The following PDCD11 variants were observed in gnomAD, a reference collection of about 807,000 sequenced individuals.
The protein encoded by PDCD11 is programmed cell death 11, also known as protein RRP5 homolog.
In PDCD11, 97 loss-of-function variants were observed where a neutral mutation model predicts 198.9. The observed-to-expected ratio is 0.49, with a 90% CI of 0.41 to 0.58. The LOEUF (loss-of-function observed/expected upper bound fraction) is 0.58. Among genes scored for constraint, PDCD11 ranks in the 20% least tolerant of loss-of-function variants. The pLI is 0.00. For synonymous variants in PDCD11, 893 were observed against 918.0 expected, an observed-to-expected ratio of 0.97 and a Z score of 0.49; for missense variants, 2,102 against 2,312.7, an observed-to-expected ratio of 0.91 and a Z score of 1.87.
At position 103,406,663 on chromosome 10, in the gene PDCD11, G is replaced by T; in HGVS notation, c.743G>T (p.Gly248Val). Residue 248 changes from glycine to valine, a missense_variant, in exon 7 of 36, where the codon GGC becomes GTC. Physicochemically the swap from Gly to Val is moderately radical, Grantham distance 109. Transcript: ENST00000369797. ...AACTGCATTGTTGAAAAGGTGAAAG[G>T]CAACGGAGGAGTTGTTAGTCTGTCT... ...YLNCIVEKVKGNGGVVSLSVG... is the reference protein window; with the variant it reads ...YLNCIVEKVKVNGGVVSLSVG... The T allele has an allele frequency of 6.2e-7, 1 of 1,614,168 alleles. No individual in the cohort carries two copies. Among genetic ancestry groups the T allele is most frequent in the Non-Finnish European group, 8.5e-7 (1 of 1,180,030 alleles).
chr10:103,410,586 T>TTTTTC (rs891483654), intron 8 of PDCD11, among the ~76,000 whole-genome samples: 2 of 151,230 alleles, frequency 1.3e-5, no homozygotes, highest in African/African-American at 4.8e-5. Flanking sequence ...TTCTGGGTGA[T>TTTTTC]TTTTCTTTTC....
intron 32 of PDCD11, 88 bp from the exon 33 acceptor site, chr10:103,443,077 G>C (rs769285291): frequency 2.9e-5 from 34 of 1,176,776 alleles, no homozygotes; most frequent in Admixed American, 1.2e-4. Flanking sequence ...GAGGCTGGGA[G>C]GGGGAGGTGG....
Position 103,445,645 on chromosome 10 carries a change from AT to A in PDCD11, c.*99del, listed in dbSNP as rs1203777576. 3 of 972,262 alleles carry A rather than the reference AT, an allele frequency of 3.1e-6. No individual in the cohort carries two copies. In the African/African-American group the frequency reaches 4.9e-5, roughly 16 times the overall value. The allele number at this position is 972,262 out of a possible 1,614,324, so 60.2% of individuals were successfully genotyped here. A position where few individuals can be genotyped will look rare whatever the true frequency, so the allele number is the denominator to read the frequency against. On this transcript the variant is annotated 3_prime_UTR_variant, in exon 36 of 36. Coordinates refer to ENST00000369797, the MANE Select transcript of PDCD11 (RefSeq NM_014976.2). ...CGGAAAACTGTTACCTCAGGACTCT[AT>A]TTAAATGCTGCTTTTTCTGCAGCAC...
chr10:103,405,826 G>C (rs537808981), intron 5 of PDCD11, among the ~76,000 whole-genome samples, 159 bp from the exon 6 acceptor site: 126 of 152,360 alleles, frequency 8.3e-4, no homozygotes, highest in African/African-American at 2.7e-3. Context: ...TGTTGAATTT[G>C]ATGTCTGCTG....
At chr10:103,440,674 AG>A in intron 29 of PDCD11, 59 bp from the exon 30 acceptor site, 1 of 1,613,158 alleles carries the variant, frequency 6.2e-7, no homozygotes. Context: ...GGGCCGAGGG[AG>A]GGTGTCGCCT....
At position 103,406,702 on chromosome 10, in the gene PDCD11, A is replaced by C. The variant is rs777756645; in HGVS notation, c.782A>C (p.Glu261Ala). The C allele has an allele frequency of 2.5e-5, 41 of 1,614,072 alleles. No homozygotes were observed. Among genetic ancestry groups the C allele is most frequent in the Non-Finnish European group, 3.3e-5 (39 of 1,180,040 alleles). ...GVVSLSVGHSEVSTAIATEQQ... is the reference protein window; with the variant it reads ...GVVSLSVGHSAVSTAIATEQQ... ...GTTAGTCTGTCTGTTGGTCACTCAGAGGTTTCTACGGCCATTGCTACTGAA... is the reference window on the plus strand; with the variant it reads ...GTTAGTCTGTCTGTTGGTCACTCAGCGGTTTCTACGGCCATTGCTACTGAA... The change falls in exon 7 of 36, where the codon GAG becomes GCG. Residue 261 changes from glutamate to alanine, a missense_variant. Transcript: ENST00000369797.
chr10:103,416,679 G>T lies in PDCD11; in HGVS notation c.1707G>T (p.Val569=). The change falls in exon 13 of 36, where the codon GTG becomes GTT. Residue 569 remains valine (V), a synonymous_variant. Coordinates refer to ENST00000369797, the MANE Select transcript of PDCD11 (RefSeq NM_014976.2). ...VKFYNNVQGL[V]PKHELSTEYI... Reference sequence around the variant, plus strand: ...TCTACAACAATGTGCAGGGACTGGTGCCCAAGCATGAGCTCAGTACTGAGT... The same window carrying T: ...TCTACAACAATGTGCAGGGACTGGTTCCCAAGCATGAGCTCAGTACTGAGT... The T allele has an allele frequency of 6.2e-7, 1 of 1,614,238 alleles. No homozygotes were observed. The highest frequency in any genetic ancestry group is 1.3e-5 in the African/African-American group (1 of 75,070).
At chr10:103,414,204 G>A in intron 10 of PDCD11, 66 bp from the exon 11 acceptor site, 1 of 1,582,818 alleles carries the variant, frequency 6.3e-7, no homozygotes, top group Non-Finnish European at 8.7e-7. Context: ...CATGCCTGTG[G>A]TAGCCCTGAA....
At chr10:103,409,848 G>A (rs761756317) in intron 8 of PDCD11, 42 bp downstream of exon 8, 30 of 1,449,462 alleles carry the variant, frequency 2.1e-5, no homozygotes, top group Non-Finnish European at 2.9e-6. Flanking sequence ...TCCAGTTGTG[G>A]TCCATTTGCT....
chr10:103,414,525 C>A (rs1417105492), intron 11 of PDCD11, among the ~76,000 whole-genome samples, 195 bp downstream of exon 11: 1 of 152,132 alleles, frequency 6.6e-6, no homozygotes, highest in Non-Finnish European at 1.5e-5. Context: ...ATCTTACTAG[C>A]ACCACCCAGC....
In PDCD11 at chr10:103,425,492, G is replaced by A. The variant is rs370054051; in HGVS notation, c.3272G>A (p.Arg1091Gln). ...AAGGTTGGGAAGACGGTCACTGCCCGAGTGATTGGCGGGCGAGACATGAAG... is the reference window on the plus strand; with the variant it reads ...AAGGTTGGGAAGACGGTCACTGCCCAAGTGATTGGCGGGCGAGACATGAAG... ...KLKVGKTVTA[R>Q]VIGGRDMKTF... The change falls in exon 20 of 36, where the codon CGA becomes CAA. Residue 1091 changes from arginine (R) to glutamine (Q), a missense_variant. By Grantham distance (43) the Arg-to-Gln change is conservative (BLOSUM62 1). Coordinates refer to ENST00000369797, the MANE Select transcript of PDCD11 (RefSeq NM_014976.2). The A allele has an allele frequency of 9.3e-6, 15 of 1,611,586 alleles. No homozygotes were observed. In the African/African-American group the frequency reaches 1.6e-4, roughly 17 times the overall value.
At chr10:103,414,508 AGGT>A (rs1470994756) in intron 11 of PDCD11, among the ~76,000 whole-genome samples, 178 bp downstream of exon 11, 2 of 152,106 alleles carry the variant, frequency 1.3e-5, no homozygotes, top group Non-Finnish European at 2.9e-5. Flanking sequence ...GTTAATTTCA[AGGT>A]AAGATCTTAC....
chr10:103,443,894 G>A (rs763215588), intron 33 of PDCD11, 21 bp from the exon 34 acceptor site: 39 of 1,612,764 alleles, frequency 2.4e-5, no homozygotes, highest in Non-Finnish European at 2.8e-5. Flanking sequence ...TCTCCTCAGC[G>A]TGCCTCGTCT....
At chr10:103,407,489 G>A (rs1449321744) in intron 7 of PDCD11, among the ~76,000 whole-genome samples, 2 of 151,966 alleles carry the variant, frequency 1.3e-5, no homozygotes, top group African/African-American at 2.4e-5. Context: ...CGTGAACCCA[G>A]GAGGTGGAGC....
intron 2 of PDCD11, among the ~76,000 whole-genome samples, chr10:103,399,455 C>T (rs1302885442): frequency 6.6e-6 from 1 of 152,052 alleles, no homozygotes; most frequent in Non-Finnish European, 1.5e-5. Context: ...GTCGATCCTC[C>T]CTCCTTAGCC....
At chr10:103,416,454 A>G (rs762905040) in intron 12 of PDCD11, 37 bp from the exon 13 acceptor site, 2 of 1,608,344 alleles carry the variant, frequency 1.2e-6, no homozygotes, top group Non-Finnish European at 1.7e-6. Flanking sequence ...TCTCATGATA[A>G]CAGATAACTT....
chr10:103,440,040 G>A (rs577882802), intron 28 of PDCD11, among the ~76,000 whole-genome samples, 172 bp downstream of exon 28: 13 of 152,336 alleles, frequency 8.5e-5, no homozygotes, highest in South Asian at 2.1e-4. Flanking sequence ...TGTGAAAACA[G>A]GTGGTAACTT....
chr10:103,419,538 C>G lies in PDCD11; in HGVS notation c.2107C>G (p.Leu703Val), dbSNP rs1367884974. The change falls in exon 16 of 36, where the codon CTT becomes GTT. Residue 703 changes from leucine to valine, a missense_variant and splice_region_variant. Coordinates refer to ENST00000369797, the MANE Select transcript of PDCD11 (RefSeq NM_014976.2). ...LCLSQSEGRV[L>V]LCRKPALVST... Reference sequence around the variant, plus strand: ...ACATTCCTTGATGAAGTACCACTAGCTTCTTTGCAGGAAGCCAGCCTTGGT... The same window carrying G: ...ACATTCCTTGATGAAGTACCACTAGGTTCTTTGCAGGAAGCCAGCCTTGGT... The G allele has an allele frequency of 1.2e-6, 2 of 1,612,912 alleles. No homozygotes were observed. Among genetic ancestry groups the G allele is most frequent in the African/African-American group, 2.7e-5 (2 of 75,014 alleles).
Position 103,421,497 on chromosome 10 carries a change from C to T in PDCD11, c.2427C>T (p.Ile809=). Residue 809 remains isoleucine, a synonymous_variant, in exon 17 of 36, where the codon ATC becomes ATT. Transcript: ENST00000369797. ...ACTGTGGTCTGGGGGACTTGGCTATCACCAGCCTCCTCCTCCTGAATCAGT... is the reference window on the plus strand; with the variant it reads ...ACTGTGGTCTGGGGGACTTGGCTATTACCAGCCTCCTCCTCCTGAATCAGT... ...LSDCGLGDLA[I]TSLLLLNQCL... is the part of the protein sequence containing the mutation. 2 of 1,593,050 alleles carry T rather than the reference C, an allele frequency of 1.3e-6. No homozygotes were observed. The highest frequency in any genetic ancestry group is 1.7e-6 in the Non-Finnish European group (2 of 1,169,474).
Sources: allele counts gnomAD v4.1 joint callset (sites outside exome capture counted in the v4.1 genomes callset), GRCh38; gene constraint gnomAD v4.1.1; transcripts MANE v1.5; gene names NCBI Gene and HGNC (gene_info 2026-07-23, HGNC 2026-07-21).